QKI: variants seen among roughly 807,000 people sequenced by gnomAD.
The protein encoded by QKI is KH domain-containing RNA-binding protein QKI.
In QKI, 10 loss-of-function variants were observed where a neutral mutation model predicts 39.0. The observed-to-expected ratio is 0.26, with a 90% CI of 0.16 to 0.43. The LOEUF (loss-of-function observed/expected upper bound fraction) is 0.43. Among genes scored for constraint, QKI ranks in the 20% least tolerant of loss-of-function variants. The probability of loss-of-function intolerance (pLI) is 1.00; values close to 1 mark genes in which losing one functional copy is unlikely to be tolerated. For missense variants in QKI, 218 were observed against 428.0 expected (o/e 0.51, Z 4.33); for synonymous variants, 204 against 155.4 (o/e 1.31, Z -2.33).
At chr6:163,519,879 A>T (rs1780043557) in intron 3 of QKI, among the ~76,000 whole-genome samples, 1 of 152,120 alleles carries the variant, frequency 6.6e-6, no homozygotes, top group African/African-American at 2.4e-5. Context: ...TAGTGTTGTG[A>T]TGAATGGCAT....
intron 3 of QKI, among the ~76,000 whole-genome samples, chr6:163,532,261 A>G (rs994766823): frequency 6.6e-6 from 1 of 152,224 alleles, no homozygotes; most frequent in South Asian, 2.1e-4. Flanking sequence ...TAGTATCTAT[A>G]TGCATTAGTG....
intron 1 of QKI, among the ~76,000 whole-genome samples, chr6:163,439,566 C>G (rs1466690489): frequency 6.6e-6 from 1 of 151,210 alleles, no homozygotes; most frequent in East Asian, 1.9e-4. Flanking sequence ...GTTGGCCAGG[C>G]TGTTCTCAAA....
At chr6:163,454,316 AT>A (rs1006721637) in intron 1 of QKI, among the ~76,000 whole-genome samples, 3 of 152,176 alleles carry the variant, frequency 2.0e-5, no homozygotes, top group Non-Finnish European at 4.4e-5. Flanking sequence ...TTTAAAAAAA[AT>A]GTCTATGTAT....
At chr6:163,523,313 A>T (rs1290684018) in intron 3 of QKI, among the ~76,000 whole-genome samples, 1 of 152,242 alleles carries the variant, frequency 6.6e-6, no homozygotes, top group Non-Finnish European at 1.5e-5. Context: ...ACACATGTGG[A>T]ATGCACGAGA....
intron 1 of QKI, among the ~76,000 whole-genome samples, chr6:163,426,577 A>G (rs1467103159): frequency 6.6e-6 from 1 of 152,052 alleles, no homozygotes; most frequent in Non-Finnish European, 1.5e-5. Context: ...GTGCCCCGTC[A>G]ACATTCACAC....
At chr6:163,434,327 C>T (rs989179974) in intron 1 of QKI, among the ~76,000 whole-genome samples, 2 of 152,240 alleles carry the variant, frequency 1.3e-5, no homozygotes, top group African/African-American at 4.8e-5. Context: ...CCTCTTATGA[C>T]GGGCTTACCT....
At chr6:163,424,834 T>G (rs1012554685) in intron 1 of QKI, among the ~76,000 whole-genome samples, 1 of 152,034 alleles carries the variant, frequency 6.6e-6, no homozygotes. Flanking sequence ...TTTCACCATG[T>G]TAGCCAGGCT....
intron 3 of QKI, among the ~76,000 whole-genome samples, chr6:163,503,657 A>C (rs1233743597): frequency 3.3e-5 from 5 of 152,106 alleles, no homozygotes; most frequent in Non-Finnish European, 7.4e-5. Context: ...TGATGTCCAG[A>C]ATGATGGTTC....
In QKI at chr6:163,569,521, T is replaced by C. The variant is rs574867920; in HGVS notation, c.1010-1173T>C. 9 of 1,253,128 alleles carry C rather than the reference T, an allele frequency of 7.2e-6. No individual in the cohort carries two copies. In the South Asian group the frequency reaches 1.2e-4, roughly 17 times the overall value. 77.6% of individuals were successfully genotyped at this position (1,253,128 alleles called of 1,614,324 possible). The stretch of plus-strand genomic sequence containing the variant: ...AAGCTGTTGAATGAGTCTTAAAAAT[T>C]ATACTACTGTTAAGTGGACCAAGTT... On this transcript the variant is annotated intron_variant, in intron 7 of 7. Transcript: ENST00000361752.
intron 1 of QKI, among the ~76,000 whole-genome samples, chr6:163,433,932 G>A (rs960265870): frequency 6.6e-6 from 1 of 152,176 alleles, no homozygotes; most frequent in Non-Finnish European, 1.5e-5. Context: ...TGTACTGCCT[G>A]TGATGCAGTA....
intron 1 of QKI, among the ~76,000 whole-genome samples, chr6:163,437,157 C>A (rs1015189286): frequency 3.9e-5 from 6 of 152,276 alleles, no homozygotes; most frequent in Admixed American, 3.3e-4. Flanking sequence ...TATTTTAACT[C>A]TAGTTCTCCT....
At chr6:163,537,679 A>C (rs1374414057) in intron 4 of QKI, among the ~76,000 whole-genome samples, 1 of 152,070 alleles carries the variant, frequency 6.6e-6, no homozygotes, top group Non-Finnish European at 1.5e-5. Context: ...TAGACTTTTT[A>C]ACTTGTTACC....
chr6:163,415,141 C>G lies in QKI; in HGVS notation c.-53C>G. 1.5e-6 allele frequency: 2 copies of G among 1,364,644 alleles called. No individual in the cohort carries two copies. Among genetic ancestry groups the G allele is most frequent in the South Asian group, 1.4e-5 (1 of 72,794 alleles). 84.5% of individuals were successfully genotyped at this position (1,364,644 alleles called of 1,614,324 possible). On this transcript the variant is annotated 5_prime_UTR_variant, in exon 1 of 8. Transcript: ENST00000361752. The stretch of plus-strand genomic sequence containing the variant: ...GGGCTCGCCCCCGCCCCTCCCTCCT[C>G]TCCGGCGGCGGCGGCGGCGGCGGCG...
At chr6:163,563,899 A>G in intron 6 of QKI, 180 bp downstream of exon 6, 1 of 1,414,882 alleles carries the variant, frequency 7.1e-7, no homozygotes, top group Non-Finnish European at 9.2e-7. Flanking sequence ...AAATAATTGC[A>G]CCTTAAATTT....
In QKI at chr6:163,577,909, C is replaced by T. The variant is rs576753417; in HGVS notation, c.*7199C>T. On this transcript the variant is annotated 3_prime_UTR_variant, in exon 8 of 8. Coordinates refer to ENST00000361752, the MANE Select transcript of QKI (RefSeq NM_006775.3). Reference sequence around the variant, plus strand: ...CTAACGTAATTTTTAATGATTACCCCTTTTATACAGTAATTTGTGGTCTTT... The same window carrying T: ...CTAACGTAATTTTTAATGATTACCCTTTTTATACAGTAATTTGTGGTCTTT... 1 of 152,210 alleles carries T rather than the reference C, an allele frequency of 6.6e-6. No homozygotes were observed. The highest frequency in any genetic ancestry group is 1.9e-4 in the East Asian group (1 of 5,184). The allele number at this position is 152,210 out of a possible 1,614,324, so 9.4% of individuals were successfully genotyped here.
intron 3 of QKI, among the ~76,000 whole-genome samples, chr6:163,534,204 A>G (rs1326675411): frequency 2.0e-5 from 3 of 152,238 alleles, no homozygotes; most frequent in South Asian, 2.1e-4. Flanking sequence ...CAACATGGGG[A>G]TATTTCTTAC....
chr6:163,443,208 A>G (rs961189587), intron 1 of QKI, among the ~76,000 whole-genome samples: 1 of 152,200 alleles, frequency 6.6e-6, no homozygotes, highest in Non-Finnish European at 1.5e-5. Flanking sequence ...TTATTTTTCG[A>G]ATTCAATGTC....
intron 2 of QKI, among the ~76,000 whole-genome samples, chr6:163,470,944 T>A (rs563536233): frequency 6.6e-6 from 1 of 152,024 alleles, no homozygotes; most frequent in Non-Finnish European, 1.5e-5. Context: ...AGAGGTGGAA[T>A]GGGACAGAAG....
rs944429616 is a variant in QKI, at chr6:163,510,870, C to A, written c.403-24112C>A. Among the ~76,000 whole-genome samples, 397 of 149,912 alleles carry A rather than the reference C, an allele frequency of 2.6e-3. 2 individuals carry two copies. Among genetic ancestry groups the A allele is most frequent in the Non-Finnish European group, 2.2e-3 (146 of 67,146 alleles). On this transcript the variant is annotated intron_variant, in intron 3 of 7. Transcript: ENST00000361752. ...TGAGATTTTAATGTAACTCTTTCAG[C>A]AACTAATAAAAAAAAATTACTCAGA...
Sources: gnomAD v4.1 joint callset for allele counts (sites outside exome capture counted in the v4.1 genomes callset) on GRCh38, gnomAD v4.1.1 for gene constraint, MANE v1.5 for transcripts, NCBI Gene and HGNC (gene_info 2026-07-23, HGNC 2026-07-21) for gene names.